Variants in KCNQ1 observed in about 807,000 individuals in gnomAD.
KCNQ1 encodes the protein potassium voltage-gated channel subfamily Q member 1, also known as potassium voltage-gated channel subfamily KQT member 1.
In KCNQ1, 49 loss-of-function variants were observed where a neutral mutation model predicts 72.4. The ratio of observed to expected loss-of-function variants is 0.68; its 90% confidence interval spans 0.54 to 0.86. KCNQ1 has a LOEUF of 0.86. Ranked by LOEUF, KCNQ1 falls within the 40% of genes least tolerant of loss-of-function variation. The probability of loss-of-function intolerance (pLI) is 0.00; values close to 1 mark genes in which losing one functional copy is unlikely to be tolerated. For synonymous variants in KCNQ1, 450 were observed against 412.6 expected (o/e 1.09, Z -1.10); for missense variants, 790 against 945.1 (o/e 0.84, Z 2.15).
Position 2,658,222 on chromosome 11 carries a change from T to G in KCNQ1, c.1394-3739T>G, listed in dbSNP as rs1326017699. ...ACTAATTTCAGCATTCATTCATGGA[T>G]CGTTTTCCTGCAGCAAATATTACCG... On this transcript the variant is annotated intron_variant, in intron 10 of 15. Transcript: ENST00000155840. The surrounding 1 kb of genome is among the most constrained non-coding windows in gnomAD (Gnocchi z 4.9). 5.0e-6 allele frequency: 2 copies of G among 398,486 alleles called. No homozygotes were observed. Among genetic ancestry groups the G allele is most frequent in the Non-Finnish European group, 4.4e-6 (1 of 226,064 alleles). The allele number at this position is 398,486 out of a possible 1,614,324, so 24.7% of individuals were successfully genotyped here.
rs1183023531 is a variant in KCNQ1, at chr11:2,493,934, T to G, written c.387-33994T>G. ...ATAGCATTGAATCTATAAATTACTT[T>G]GGGCAGTATGGCCATTTTCATGATA... On this transcript the variant is annotated intron_variant, in intron 1 of 15. Transcript: ENST00000155840. This position sits in a 1 kb window ranked among gnomAD's most constrained non-coding sequence, Gnocchi z 5.3. Among the ~76,000 whole-genome samples, 3 of 152,252 alleles carry G rather than the reference T, an allele frequency of 2.0e-5. No individual in the cohort carries two copies. In the East Asian group the frequency reaches 5.8e-4, roughly 29 times the overall value.
chr11:2,671,891 G>C lies in KCNQ1; in HGVS notation c.1514+9810G>C. ...CCTGGAGAGGAGGTGGGCAGCACCA[G>C]GCAGCCAGCCTGTGGGCCCCGCTAT... is the stretch of plus-strand genomic sequence containing the variant. On this transcript the variant is annotated intron_variant, in intron 11 of 15. Transcript: ENST00000155840. This position sits in a 1 kb window ranked among gnomAD's most constrained non-coding sequence, Gnocchi z 4.7. The C allele has an allele frequency of 2.5e-6, 1 of 398,708 alleles. No individual in the cohort carries two copies. Among genetic ancestry groups the C allele is most frequent in the Non-Finnish European group, 4.4e-6 (1 of 226,106 alleles). 24.7% of individuals were successfully genotyped at this position (398,708 alleles called of 1,614,324 possible).
rs921008916 is a variant in KCNQ1, at chr11:2,692,209, C to T, written c.1514+30128C>T. The T allele has an allele frequency of 5.3e-5, 21 of 398,894 alleles. 1 individual carries two copies. The highest frequency in any genetic ancestry group is 6.3e-4 in the Middle Eastern group (1 of 1,592). The allele number at this position is 398,894 out of a possible 1,614,324, so 24.7% of individuals were successfully genotyped here. A position where few individuals can be genotyped will look rare whatever the true frequency, so the allele number is the denominator to read the frequency against. ...AAGTTCTGGGGTCATTTCCGATACA[C>T]CCGCTTCCTCACCACCTGCCCATCA... is the stretch of plus-strand genomic sequence containing the variant. On this transcript the variant is annotated intron_variant, in intron 11 of 15. Transcript: ENST00000155840.
intron 11 of KCNQ1, among the ~76,000 whole-genome samples, chr11:2,743,999 A>G (rs1310425922): frequency 6.6e-6 from 1 of 152,158 alleles, no homozygotes; most frequent in African/African-American, 2.4e-5. Context: ...TCTTGACTGC[A>G]GGTCTCTCGT....
rs1554898449 is a variant in KCNQ1 at position 2,620,951 on chromosome 11, T to TTTG, written c.1393+32099_1393+32100insGTT. The stretch of plus-strand genomic sequence containing the variant: ...TTTGTTGTTGTTGTTTTGTTTTGTT[T>TTTG]TTTTTTGTCTGTTTTTTGCTTTTTT... On this transcript the variant is annotated intron_variant, in intron 10 of 15. Coordinates refer to ENST00000155840, the MANE Select transcript of KCNQ1 (RefSeq NM_000218.3). The surrounding 1 kb of genome is among the most constrained non-coding windows in gnomAD (Gnocchi z 4.5). The TTTG allele has an allele frequency of 2.0e-5, 8 of 396,788 alleles. No individual in the cohort carries two copies. Among genetic ancestry groups the TTTG allele is most frequent in the Non-Finnish European group, 2.7e-5 (6 of 225,786 alleles). 24.6% of individuals were successfully genotyped at this position (396,788 alleles called of 1,614,324 possible). A position where few individuals can be genotyped will look rare whatever the true frequency, so the allele number is the denominator to read the frequency against.
intron 11 of KCNQ1, among the ~76,000 whole-genome samples, chr11:2,736,822 T>C (rs1321296094): frequency 1.1e-4 from 17 of 152,180 alleles, no homozygotes; most frequent in Admixed American, 1.0e-3. Context: ...TGGTGGGGCC[T>C]AAGGGTGAAA....
At position 2,617,532 on chromosome 11, in the gene KCNQ1, A is replaced by G; in HGVS notation, c.1393+28678A>G. ...AATGCCACAATGAATATAGGAGCGC[A>G]GATATCTTTATGAGGTGGAGATTTC... On this transcript the variant is annotated intron_variant, in intron 10 of 15. Transcript: ENST00000155840. The surrounding 1 kb of genome is among the most constrained non-coding windows in gnomAD (Gnocchi z 4.6). The G allele has an allele frequency of 2.5e-6, 1 of 398,490 alleles. No individual in the cohort carries two copies. The highest frequency in any genetic ancestry group is 1.3e-4 in the South Asian group (1 of 7,854). The allele number at this position is 398,490 out of a possible 1,614,324, so 24.7% of individuals were successfully genotyped here.
chr11:2,739,083 A>T (rs747801649), intron 11 of KCNQ1, among the ~76,000 whole-genome samples: 4 of 152,176 alleles, frequency 2.6e-5, no homozygotes, highest in Non-Finnish European at 4.4e-5. Flanking sequence ...CTCCCTGTGA[A>T]GTGGGACTGA....
In KCNQ1 at chr11:2,676,385, C is replaced by G. The variant is rs1313780680; in HGVS notation, c.1514+14304C>G. ...CCAGTATAATTGGAAGGAGCATAGT[C>G]TCTGTGTTCAGCTAGAGATTTAGCC... On this transcript the variant is annotated intron_variant, in intron 11 of 15. Coordinates refer to ENST00000155840, the MANE Select transcript of KCNQ1 (RefSeq NM_000218.3). The surrounding 1 kb of genome is among the most constrained non-coding windows in gnomAD (Gnocchi z 4.2). 3 of 398,528 alleles carry G rather than the reference C, an allele frequency of 7.5e-6. No homozygotes were observed. The highest frequency in any genetic ancestry group is 1.3e-5 in the Non-Finnish European group (3 of 226,084). The allele number at this position is 398,528 out of a possible 1,614,324, so 24.7% of individuals were successfully genotyped here.
At chr11:2,461,590 T>C (rs1429855639) in intron 1 of KCNQ1, 1 of 1,358,478 alleles carries the variant, frequency 7.4e-7, no homozygotes. Context: ...CTGCTTTTGT[T>C]TACGTGGCCC....
chr11:2,748,868 A>G lies in KCNQ1; in HGVS notation c.1515-19976A>G, dbSNP rs1044539164. On this transcript the variant is annotated intron_variant, in intron 11 of 15. Transcript: ENST00000155840. This position sits in a 1 kb window ranked among gnomAD's most constrained non-coding sequence, Gnocchi z 6.2. ...CCTCTGGTCTGGCAGCTGGGTGTGCAGGGGCAGCCCCAGACCTCCAGAGTG... is the reference window on the plus strand; with the variant it reads ...CCTCTGGTCTGGCAGCTGGGTGTGCGGGGGCAGCCCCAGACCTCCAGAGTG... Among the ~76,000 whole-genome samples, 1 of 152,218 alleles carries G rather than the reference A, an allele frequency of 6.6e-6. No homozygotes were observed. The highest frequency in any genetic ancestry group is 1.5e-5 in the Non-Finnish European group (1 of 68,028).
At chr11:2,445,624 AC>A (rs1846026570) in intron 1 of KCNQ1, 140 bp downstream of exon 1, 1 of 1,017,732 alleles carries the variant, frequency 9.8e-7, no homozygotes, top group African/African-American at 1.6e-5. Flanking sequence ...AAACGCAGAA[AC>A]ACAAACTCTG....
chr11:2,514,774 C>T (rs528854584), intron 1 of KCNQ1, among the ~76,000 whole-genome samples: 426 of 152,260 alleles, frequency 2.8e-3, no homozygotes, highest in Non-Finnish European at 4.6e-3. Context: ...TGCAGTGAGC[C>T]GAGATTGCGC....
chr11:2,512,431 C>T (rs915262417), intron 1 of KCNQ1, among the ~76,000 whole-genome samples: 2 of 152,202 alleles, frequency 1.3e-5, no homozygotes, highest in African/African-American at 4.8e-5. Context: ...CCCCATTTCC[C>T]CCTCATCCTT....
Position 2,720,293 on chromosome 11 carries a change from C to A in KCNQ1, c.1515-48551C>A, listed in dbSNP as rs1851180344. Among the ~76,000 whole-genome samples, 1 of 152,162 alleles carries A rather than the reference C, an allele frequency of 6.6e-6. No individual in the cohort carries two copies. Among genetic ancestry groups the A allele is most frequent in the Non-Finnish European group, 1.5e-5 (1 of 68,032 alleles). On this transcript the variant is annotated intron_variant, in intron 11 of 15. Coordinates refer to ENST00000155840, the MANE Select transcript of KCNQ1 (RefSeq NM_000218.3). This position sits in a 1 kb window ranked among gnomAD's most constrained non-coding sequence, Gnocchi z 5.1. ...GCTCATGGGGGCTTGAGTGTCCTGG[C>A]AGCTCTCCTCATCCATCCTATGTGT...
chr11:2,459,938 C>T (rs1846249932), intron 1 of KCNQ1, among the ~76,000 whole-genome samples: 3 of 152,122 alleles, frequency 2.0e-5, no homozygotes, highest in East Asian at 1.9e-4. Context: ...TGTGTGGTTT[C>T]GCAGTCTTTC....
chr11:2,461,890 A>T (rs1564787599), intron 1 of KCNQ1: 1 of 451,740 alleles, frequency 2.2e-6, no homozygotes, highest in African/African-American at 2.1e-5. Flanking sequence ...AGGGAGAGAA[A>T]TGGATGGGGC....
Position 2,843,853 on chromosome 11 carries a change from G to A in KCNQ1, c.1795-3914G>A, listed in dbSNP as rs73421355. ...GGTCTCTTATGGTTATTAATTTGGT[G>A]AGTGCAGGCCGGGCACAAAGCAGCT... On this transcript the variant is annotated intron_variant, in intron 15 of 15. Coordinates refer to ENST00000155840, the MANE Select transcript of KCNQ1 (RefSeq NM_000218.3). Among the ~76,000 whole-genome samples the A allele has an allele frequency of 6.4e-3, 971 of 152,334 alleles. 10 individuals are homozygous for A. The highest frequency in any genetic ancestry group is 0.022 in the African/African-American group (904 of 41,566).
chr11:2,729,544 G>A (rs1230452444), intron 11 of KCNQ1, among the ~76,000 whole-genome samples: 1 of 152,228 alleles, frequency 6.6e-6, no homozygotes, highest in Non-Finnish European at 1.5e-5. Context: ...AACCAACTGT[G>A]GATGGAAAAT....
Sources: allele counts gnomAD v4.1 joint callset (sites outside exome capture counted in the v4.1 genomes callset), GRCh38; gene constraint gnomAD v4.1.1; non-coding constraint Gnocchi (gnomAD v3.1); transcripts MANE v1.5; gene names NCBI Gene and HGNC (gene_info 2026-07-23, HGNC 2026-07-21).